The following FGFR1 variants were observed in gnomAD, a reference collection of about 807,000 sequenced individuals.
The protein encoded by FGFR1 is FGFR1/PLAG1 fusion.
In FGFR1, 18 loss-of-function variants were observed where a neutral mutation model predicts 93.7. The ratio of observed to expected loss-of-function variants is 0.19; its 90% CI spans 0.13 to 0.28. The LOEUF (loss-of-function observed/expected upper bound fraction) is 0.28. Among genes scored for constraint, FGFR1 ranks in the 10% least tolerant of loss-of-function variants. The pLI is 1.00. For synonymous variants in FGFR1, 448 were observed against 429.3 expected, an observed-to-expected ratio of 1.04 and a Z score of -0.54; for missense variants, 731 against 1,080.4, an observed-to-expected ratio of 0.68 and a Z score of 4.53.
Position 38,429,646 on chromosome 8 carries a change from T to C in FGFR1, c.358+36A>G, listed in dbSNP as rs1375818420. On this transcript the variant is annotated intron_variant, in intron 3 of 17. Coordinates refer to ENST00000447712, the MANE Select transcript of FGFR1 (RefSeq NM_023110.3). This position sits in a 1 kb window ranked among gnomAD's most constrained non-coding sequence, Gnocchi z 4.4. ...GGCAGAGAGGGCTGGAGGGGGTGGGTCTAGGGAGGGGCAAGGGCAGGGCTT... is the reference window on the plus strand; with the variant it reads ...GGCAGAGAGGGCTGGAGGGGGTGGGCCTAGGGAGGGGCAAGGGCAGGGCTT... The C allele has an allele frequency of 2.6e-6, 4 of 1,549,086 alleles. No homozygotes were observed. The highest frequency in any genetic ancestry group is 2.6e-6 in the Non-Finnish European group (3 of 1,145,116).
intron 7 of FGFR1, chr8:38,423,215 C>G: frequency 1.3e-6 from 1 of 774,732 alleles, no homozygotes; most frequent in Non-Finnish European, 2.4e-6. Flanking sequence ...TTGGGCAAAG[C>G]TGAGATGTGG....
At position 38,413,978 on chromosome 8, in the gene FGFR1, T is replaced by C. The variant is rs1178178527; in HGVS notation, c.2232A>G (p.Arg744=). ...RDCWHAVPSQ[R]PTFKQLVEDL... ...CTTCCACCAGCTGCTTGAAGGTGGGTCTCTGTGAGGGCACTGCATGCCAGC... is the reference window on the plus strand; with the variant it reads ...CTTCCACCAGCTGCTTGAAGGTGGGCCTCTGTGAGGGCACTGCATGCCAGC... The change falls in exon 17 of 18, where the codon AGA becomes AGG. Residue 744 remains arginine (R), a synonymous_variant. Coordinates refer to ENST00000447712, the MANE Select transcript of FGFR1 (RefSeq NM_023110.3). The surrounding 1 kb of genome is among the most constrained non-coding windows in gnomAD (Gnocchi z 4.2). 5 of 1,613,898 alleles carry C rather than the reference T, an allele frequency of 3.1e-6. No individual in the cohort carries two copies. Among genetic ancestry groups the C allele is most frequent in the African/African-American group, 1.3e-5 (1 of 74,866 alleles).
intron 2 of FGFR1, among the ~76,000 whole-genome samples, chr8:38,440,792 GT>G (rs1827159445): frequency 6.6e-6 from 1 of 152,072 alleles, no homozygotes; most frequent in African/African-American, 2.4e-5. Flanking sequence ...CTGCCAGCAG[GT>G]CCCCCCGTGC....
chr8:38,416,156 C>T, intron 12 of FGFR1, 96 bp from the exon 13 acceptor site: 3 of 1,050,490 alleles, frequency 2.9e-6, no homozygotes, highest in Non-Finnish European at 4.3e-6. Flanking sequence ...ACACCCCGGC[C>T]AACCTCCCAT....
At chr8:38,447,866 C>A (rs1465491099) in intron 2 of FGFR1, among the ~76,000 whole-genome samples, 1 of 152,052 alleles carries the variant, frequency 6.6e-6, no homozygotes, top group Non-Finnish European at 1.5e-5. Flanking sequence ...GTGATAAAAT[C>A]AAAACTTAAA....
chr8:38,451,926 C>T (rs1831198370), intron 2 of FGFR1, among the ~76,000 whole-genome samples: 1 of 152,110 alleles, frequency 6.6e-6, no homozygotes, highest in Non-Finnish European at 1.5e-5. Context: ...GGCTTATCAT[C>T]TGAAACCGGC....
chr8:38,448,438 C>A lies in FGFR1; in HGVS notation c.91+8918G>T, dbSNP rs751198960. 2.6e-5 allele frequency among the ~76,000 whole-genome samples: 4 copies of A among 152,276 alleles called. No homozygotes were observed. In the East Asian group the frequency reaches 7.7e-4, roughly 29 times the overall value. ...GGGATTATAGGTGCGTGCCACCACA[C>A]CTGGCCAATTTTTGTATTTTTAGTA... On this transcript the variant is annotated intron_variant, in intron 2 of 17. Transcript: ENST00000447712.
At chr8:38,420,989 CA>C (rs1179982440) in intron 8 of FGFR1, among the ~76,000 whole-genome samples, 2 of 152,188 alleles carry the variant, frequency 1.3e-5, no homozygotes, top group East Asian at 3.9e-4. Flanking sequence ...CTGCCTCCAG[CA>C]GGGGCATCCG....
chr8:38,415,372 C>T (rs1816095544), intron 13 of FGFR1, among the ~76,000 whole-genome samples: 1 of 152,176 alleles, frequency 6.6e-6, no homozygotes, highest in Admixed American at 6.5e-5. Context: ...TGGCTCAGTG[C>T]AGCCTCAAAC....
At chr8:38,422,907 G>T in intron 7 of FGFR1, 2 of 641,034 alleles carry the variant, frequency 3.1e-6, no homozygotes, top group Non-Finnish European at 5.6e-6. Flanking sequence ...CATGGCTCTG[G>T]GCACTAGAAA....
intron 6 of FGFR1, among the ~76,000 whole-genome samples, chr8:38,425,758 C>T (rs373623768): frequency 6.6e-6 from 1 of 152,180 alleles, no homozygotes; most frequent in Admixed American, 6.5e-5. Context: ...TGCAGGTGTG[C>T]CATGAGCATT....
In FGFR1 at chr8:38,457,440, T is replaced by A. The variant is rs1241452278; in HGVS notation, c.7A>T (p.Ser3Cys). 1.2e-5 allele frequency: 19 copies of A among 1,614,024 alleles called. No individual in the cohort carries two copies. Among genetic ancestry groups the A allele is most frequent in the Non-Finnish European group, 1.6e-5 (19 of 1,179,996 alleles). Reference protein sequence around the residue: MWSWKCLLFWAVL... With the variant: MWCWKCLLFWAVL... ...GCCCAGAAGAGGAGGCACTTCCAGC[T>A]CCACATCCCAGTTCTGCAGTTAGAG... The change falls in exon 2 of 18, where the codon AGC (serine) becomes TGC (cysteine). Residue 3 changes from serine (S) to cysteine (C), a missense_variant. Transcript: ENST00000447712.
chr8:38,468,155 C>G lies in FGFR1; in HGVS notation c.-263G>C, dbSNP rs974672416. The G allele has an allele frequency of 3.6e-4, 82 of 227,866 alleles. No individual in the cohort carries two copies. Among genetic ancestry groups the G allele is most frequent in the Admixed American group, 5.1e-4 (9 of 17,572 alleles). 14.1% of individuals were successfully genotyped at this position (227,866 alleles called of 1,614,324 possible). ...CCCGGCGGCGCTCGGTGCTCGGCGC[C>G]TCCAGCCCGGGCGGGAACAATGGAG... On this transcript the variant is annotated 5_prime_UTR_variant, in exon 1 of 18. Coordinates refer to ENST00000447712, the MANE Select transcript of FGFR1 (RefSeq NM_023110.3).
chr8:38,412,653 G>C lies in FGFR1; in HGVS notation c.*975C>G, dbSNP rs986372294. ...GGGAGCATGCGGTGCCCTCGGGACA[G>C]ACCTAGCCCCAGGGCCCGTGGGTGT... On this transcript the variant is annotated 3_prime_UTR_variant, in exon 18 of 18. Transcript: ENST00000447712. 4.3e-6 allele frequency: 1 copy of C among 233,676 alleles called. No individual in the cohort carries two copies. Among genetic ancestry groups the C allele is most frequent in the African/African-American group, 2.2e-5 (1 of 45,364 alleles). 14.5% of individuals were successfully genotyped at this position (233,676 alleles called of 1,614,324 possible). A position where few individuals can be genotyped will look rare whatever the true frequency, so the allele number is the denominator to read the frequency against.
Position 38,427,994 on chromosome 8 carries a change from G to T in FGFR1, c.548C>A (p.Thr183Asn). Residue 183 changes from threonine to asparagine, a missense_variant, in exon 5 of 18, where the codon ACC becomes AAC. Physicochemically the swap from Thr to Asn is moderately conservative, Grantham distance 65. Around this residue, in one of 10 missense-constraint regions of FGFR1, gnomAD observed 109 missense variants for 249.4 expected, o/e 0.44. Coordinates refer to ENST00000447712, the MANE Select transcript of FGFR1 (RefSeq NM_023110.3). ...TVKFKCPSSGTPNPTLRWLKN... is the reference protein window; with the variant it reads ...TVKFKCPSSGNPNPTLRWLKN... ...CAACCAGCGCAGTGTGGGGTTTGGG[G>T]TCCCACTGGAAGGGCATTTGAACTT... 6.2e-7 allele frequency: 1 copy of T among 1,614,238 alleles called. No homozygotes were observed. The highest frequency in any genetic ancestry group is 1.3e-5 in the African/African-American group (1 of 75,058).
chr8:38,415,484 T>A (rs967777322), intron 13 of FGFR1, among the ~76,000 whole-genome samples: 1 of 151,226 alleles, frequency 6.6e-6, no homozygotes, highest in Non-Finnish European at 1.5e-5. Context: ...TTTTTTTTTT[T>A]AAAGACGGGG....
chr8:38,461,016 G>T (rs2151423469), intron 1 of FGFR1: 1 of 1,505,208 alleles, frequency 6.6e-7, no homozygotes, highest in Non-Finnish European at 8.9e-7. Flanking sequence ...ATTCATGCCT[G>T]CATGCAGAGG....
At chr8:38,446,611 T>C (rs1019539160) in intron 2 of FGFR1, among the ~76,000 whole-genome samples, 2 of 152,052 alleles carry the variant, frequency 1.3e-5, no homozygotes, top group African/African-American at 4.8e-5. Flanking sequence ...ATGGGGTTTA[T>C]GCCATGTTGC....
rs374672119 is a variant in FGFR1, at chr8:38,418,306, G to C, written c.1352C>G (p.Ser451Cys). 3.7e-6 allele frequency: 6 copies of C among 1,614,082 alleles called. No homozygotes were observed. Among genetic ancestry groups the C allele is most frequent in the Non-Finnish European group, 5.1e-6 (6 of 1,180,040 alleles). ...CCCTGCTAGCATGGGAGTCCCACTG[G>C]AGGAGAGCCGTGATGGCCGAACCAG... ...VLLVRPSRLS[S>C]SGTPMLAGVS... The change falls in exon 10 of 18, where the codon TCC becomes TGC. Residue 451 changes from serine to cysteine, a missense_variant. Ser to Cys is a moderately radical substitution (Grantham distance 112). Transcript: ENST00000447712.
Sources: gnomAD v4.1 joint callset for allele counts (sites outside exome capture counted in the v4.1 genomes callset) on GRCh38, gnomAD v4.1.1 for gene constraint, gnomAD v4.1.1 regional missense constraint, Gnocchi (gnomAD v3.1) non-coding constraint, MANE v1.5 for transcripts, NCBI Gene and HGNC (gene_info 2026-07-23, HGNC 2026-07-21) for gene names.